The following CD28 variants were observed in gnomAD, a reference collection of about 807,000 sequenced individuals.
CD28 encodes T-cell-specific surface glycoprotein CD28.
CD28 carries 8 observed loss-of-function variants against 21.4 expected under a neutral mutation model. The observed-to-expected ratio is 0.37, with a 90% CI of 0.22 to 0.68. The LOEUF is 0.68. Among genes scored for constraint, CD28 ranks in the 30% least tolerant of loss-of-function variants. CD28 has a pLI of 0.55. For missense variants in CD28, 239 were observed against 272.2 expected (o/e 0.88, Z 0.86); for synonymous variants, 106 against 104.0 (o/e 1.02, Z -0.12).
chr2:203,724,772 C>G (rs1442493778), intron 1 of CD28, among the ~76,000 whole-genome samples: 1 of 152,106 alleles, frequency 6.6e-6, no homozygotes, highest in East Asian at 1.9e-4. Flanking sequence ...AACAAAACAC[C>G]TGTGTATATG....
intron 1 of CD28, among the ~76,000 whole-genome samples, chr2:203,707,531 ATTAG>A (rs1693192739): frequency 6.6e-6 from 1 of 152,190 alleles, no homozygotes; most frequent in Admixed American, 6.5e-5. Context: ...ATATTAATAA[ATTAG>A]TTTTCTTTTA....
intron 1 of CD28, among the ~76,000 whole-genome samples, chr2:203,722,408 CT>C (rs1693626953): frequency 6.6e-6 from 1 of 152,284 alleles, no homozygotes. Flanking sequence ...TTTTTCAGTG[CT>C]TTTGCAAAAT....
At chr2:203,712,654 A>C (rs144013437) in intron 1 of CD28, among the ~76,000 whole-genome samples, 46 of 152,384 alleles carry the variant, frequency 3.0e-4, no homozygotes, top group Admixed American at 2.1e-3. Context: ...TTACTCAATA[A>C]ATATTTGTTG....
chr2:203,725,980 G>C (rs147913446), intron 1 of CD28, among the ~76,000 whole-genome samples: 44 of 152,238 alleles, frequency 2.9e-4, no homozygotes, highest in African/African-American at 1.0e-3. Flanking sequence ...AGGCCAAGGT[G>C]GTCAGATCAC....
chr2:203,733,209 C>G (rs978608502), intron 3 of CD28, among the ~76,000 whole-genome samples: 5 of 152,158 alleles, frequency 3.3e-5, no homozygotes, highest in Non-Finnish European at 7.3e-5. Flanking sequence ...TTCTTCATTG[C>G]ATTGTAGGAT....
At chr2:203,715,534 C>T (rs1260897292) in intron 1 of CD28, among the ~76,000 whole-genome samples, 1 of 152,176 alleles carries the variant, frequency 6.6e-6, no homozygotes, top group Non-Finnish European at 1.5e-5. Flanking sequence ...TCCCAGAGCA[C>T]TCACATCCTG....
chr2:203,735,320 G>C lies in CD28; in HGVS notation c.*408G>C, dbSNP rs1581521580. On this transcript the variant is annotated 3_prime_UTR_variant, in exon 4 of 4. Transcript: ENST00000324106. ...GAAAGGCTAGGAAATCATTCCTTTT[G>C]GTTAAATGGGTGTTTAATCTTTTGG... 5.5e-6 allele frequency: 1 copy of C among 181,474 alleles called. No individual in the cohort carries two copies. Among genetic ancestry groups the C allele is most frequent in the East Asian group, 1.7e-4 (1 of 5,734 alleles). 11.2% of individuals were successfully genotyped at this position (181,474 alleles called of 1,614,324 possible). A position where few individuals can be genotyped will look rare whatever the true frequency, so the allele number is the denominator to read the frequency against.
At chr2:203,712,561 A>G (rs1402683730) in intron 1 of CD28, among the ~76,000 whole-genome samples, 2 of 152,208 alleles carry the variant, frequency 1.3e-5, no homozygotes, top group African/African-American at 4.8e-5. Context: ...CTTTTCCACT[A>G]GACTATGAAC....
intron 3 of CD28, among the ~76,000 whole-genome samples, chr2:203,730,060 A>T (rs901990346): frequency 6.6e-6 from 1 of 152,106 alleles, no homozygotes; most frequent in African/African-American, 2.4e-5. Context: ...TCTTCTCCCC[A>T]TTTTGCAATA....
At chr2:203,720,679 C>T (rs1196276986) in intron 1 of CD28, among the ~76,000 whole-genome samples, 8 of 152,008 alleles carry the variant, frequency 5.3e-5, no homozygotes, top group East Asian at 1.9e-4. Flanking sequence ...ACTCAGAGAC[C>T]GAAAATACAT....
At chr2:203,715,942 G>A (rs1693451521) in intron 1 of CD28, among the ~76,000 whole-genome samples, 1 of 152,134 alleles carries the variant, frequency 6.6e-6, no homozygotes, top group African/African-American at 2.4e-5. Context: ...TCAGCCTCCT[G>A]ATTGGTCTCT....
In CD28 at chr2:203,735,704, C is replaced by G. The variant is rs572005078; in HGVS notation, c.*792C>G. On this transcript the variant is annotated 3_prime_UTR_variant, in exon 4 of 4. Transcript: ENST00000324106. ...AAGAATATGTCAGGAAATAAGGTCA[C>G]TTTATGTCAAAATTATTTGAGTACT... 2 of 152,184 alleles carry G rather than the reference C, an allele frequency of 1.3e-5. No homozygotes were observed. Among genetic ancestry groups the G allele is most frequent in the African/African-American group, 4.8e-5 (2 of 41,422 alleles). The allele number at this position is 152,184 out of a possible 1,614,324, so 9.4% of individuals were successfully genotyped here.
intron 3 of CD28, 123 bp from the exon 4 acceptor site, chr2:203,734,661 A>G (rs942496935): frequency 5.7e-6 from 7 of 1,225,688 alleles, no homozygotes; most frequent in Admixed American, 1.7e-5. Flanking sequence ...AAGGTGCTCA[A>G]AAAAGGTTAG....
chr2:203,731,650 A>G (rs1028536102), intron 3 of CD28, among the ~76,000 whole-genome samples: 1 of 152,186 alleles, frequency 6.6e-6, no homozygotes, highest in Non-Finnish European at 1.5e-5. Flanking sequence ...ATAATGAGAC[A>G]TCAATTTGTT....
chr2:203,713,856 A>AGAGAGAGAGAGG (rs1002665842), intron 1 of CD28, among the ~76,000 whole-genome samples: 1 of 38,904 alleles, frequency 2.6e-5, no homozygotes, highest in African/African-American at 8.5e-5. Context: ...AGAGAGGGAG[A>AGAGAGAGAGAGG]GAGAGAGAGA....
intron 1 of CD28, 150 bp downstream of exon 1, chr2:203,706,898 T>C (rs1036879555): frequency 1.5e-6 from 1 of 654,884 alleles, no homozygotes; most frequent in Non-Finnish European, 2.7e-6. Context: ...TTGAAAATCA[T>C]TGATTCTCAG....
intron 1 of CD28, among the ~76,000 whole-genome samples, chr2:203,721,088 T>C (rs1270061242): frequency 6.6e-6 from 1 of 152,196 alleles, no homozygotes; most frequent in African/African-American, 2.4e-5. Flanking sequence ...AACTCTAAAC[T>C]AGGAGGCTGT....
At chr2:203,734,381 C>T (rs577054302) in intron 3 of CD28, among the ~76,000 whole-genome samples, 3 of 152,122 alleles carry the variant, frequency 2.0e-5, no homozygotes, top group Admixed American at 1.3e-4. Flanking sequence ...AAGTCCTCTT[C>T]GGTTAATTAT....
At chr2:203,712,102 G>A (rs1444000496) in intron 1 of CD28, among the ~76,000 whole-genome samples, 4 of 152,078 alleles carry the variant, frequency 2.6e-5, no homozygotes, top group Admixed American at 2.6e-4. Flanking sequence ...TGAGGTAGGA[G>A]AATTGCTTGA....
Sources: allele counts gnomAD v4.1 joint callset (sites outside exome capture counted in the v4.1 genomes callset), GRCh38; gene constraint gnomAD v4.1.1; transcripts MANE v1.5; gene names NCBI Gene and HGNC (gene_info 2026-07-23, HGNC 2026-07-21).